Variants in KCNQ1 observed in about 807,000 individuals in gnomAD.
KCNQ1 encodes potassium voltage-gated channel subfamily Q member 1.
In KCNQ1, 49 loss-of-function variants were observed where a neutral mutation model predicts 72.4. The ratio of observed to expected loss-of-function variants is 0.68; its 90% confidence interval spans 0.54 to 0.86. The LOEUF is 0.86. Ranked by LOEUF, KCNQ1 falls within the 40% of genes least tolerant of loss-of-function variation. The pLI, the probability that KCNQ1 is intolerant of heterozygous loss-of-function variation, is 0.00. For synonymous variants in KCNQ1, 450 were observed against 412.6 expected (o/e 1.09, Z -1.10); for missense variants, 790 against 945.1 (o/e 0.84, Z 2.15).
At chr11:2,672,731 A>G (rs1850208738) in intron 11 of KCNQ1, 3 of 398,848 alleles carry the variant, frequency 7.5e-6, no homozygotes, top group Non-Finnish European at 1.3e-5. Flanking sequence ...CCAGACTCCA[A>G]GTTCTATGCT....
Position 2,796,329 on chromosome 11 carries a change from C to T in KCNQ1, c.1794+18292C>T, listed in dbSNP as rs192468180. ...GATCACCGCCTGGCTAAGGCCAAGG[C>T]GGCCACGTCAGTTCTCACGGCTCCT... On this transcript the variant is annotated intron_variant, in intron 15 of 15. Transcript: ENST00000155840. Among the ~76,000 whole-genome samples the T allele has an allele frequency of 1.9e-4, 29 of 152,326 alleles. 1 individual carries two copies. Among genetic ancestry groups the T allele is most frequent in the Admixed American group, 1.8e-3 (27 of 15,310 alleles).
intron 1 of KCNQ1, among the ~76,000 whole-genome samples, chr11:2,470,526 C>A (rs1190431334): frequency 6.6e-6 from 1 of 151,958 alleles, no homozygotes. Context: ...GAAGACAAGC[C>A]GGCGTCTTAT....
chr11:2,777,069 C>G, intron 14 of KCNQ1, 37 bp downstream of exon 14: 1 of 1,604,254 alleles, frequency 6.2e-7, no homozygotes, highest in African/African-American at 1.3e-5. Context: ...GCCCAGCAGC[C>G]TGCAATGGAC....
In KCNQ1 at chr11:2,724,831, G is replaced by A. The variant is rs574700349; in HGVS notation, c.1515-44013G>A. Among the ~76,000 whole-genome samples, 10 of 152,322 alleles carry A rather than the reference G, an allele frequency of 6.6e-5. No individual in the cohort carries two copies. Among genetic ancestry groups the A allele is most frequent in the African/African-American group, 1.9e-4 (8 of 41,576 alleles). On this transcript the variant is annotated intron_variant, in intron 11 of 15. Transcript: ENST00000155840. The surrounding 1 kb of genome is among the most constrained non-coding windows in gnomAD (Gnocchi z 6.8). ...AGCTTCTGGCCATCGTATGGAGCTG[G>A]AACAAGGCACTGGAAGGTACCAGGC...
rs543160201 is a variant in KCNQ1 at position 2,745,107 on chromosome 11, A to G, written c.1515-23737A>G. Among the ~76,000 whole-genome samples the G allele has an allele frequency of 6.6e-6, 1 of 152,230 alleles. No homozygotes were observed. Among genetic ancestry groups the G allele is most frequent in the African/African-American group, 2.4e-5 (1 of 41,544 alleles). ...CCCTATTTATAATAATCTCTTTTTA[A>G]GTTTGACTTATCTGTTTGGGACCTT... On this transcript the variant is annotated intron_variant, in intron 11 of 15. Transcript: ENST00000155840. The surrounding 1 kb of genome is among the most constrained non-coding windows in gnomAD (Gnocchi z 6.2).
intron 11 of KCNQ1, chr11:2,686,807 C>A (rs1031849733): frequency 2.5e-6 from 1 of 398,718 alleles, no homozygotes; most frequent in Non-Finnish European, 4.4e-6. Flanking sequence ...CCCCTGCTCA[C>A]CCCTAAAGAG....
chr11:2,796,713 C>G (rs751207114), intron 15 of KCNQ1, among the ~76,000 whole-genome samples: 1 of 152,202 alleles, frequency 6.6e-6, no homozygotes, highest in Non-Finnish European at 1.5e-5. Context: ...CCCAGGAAGA[C>G]CTCGTGGGTT....
intron 15 of KCNQ1, among the ~76,000 whole-genome samples, chr11:2,780,610 G>C (rs546760621): frequency 6.6e-6 from 1 of 152,326 alleles, no homozygotes; most frequent in South Asian, 2.1e-4. Flanking sequence ...GCTGTGCAGT[G>C]AGTCCCACCC....
intron 2 of KCNQ1, among the ~76,000 whole-genome samples, chr11:2,533,593 C>A (rs930518850): frequency 3.3e-5 from 5 of 152,228 alleles, no homozygotes; most frequent in Non-Finnish European, 7.3e-5. Context: ...TAGCTCCGTG[C>A]GCACATGCGT....
chr11:2,627,776 G>C lies in KCNQ1; in HGVS notation c.1394-34185G>C, dbSNP rs995301205. The stretch of plus-strand genomic sequence containing the variant: ...TTTTCTTCCTTTCTTTTTGAGACAG[G>C]GTCTCCATCTGTCATCCAGGCAGGA... On this transcript the variant is annotated intron_variant, in intron 10 of 15. Transcript: ENST00000155840. The surrounding 1 kb of genome is among the most constrained non-coding windows in gnomAD (Gnocchi z 4.9). The C allele has an allele frequency of 7.5e-6, 3 of 397,986 alleles. No homozygotes were observed. Among genetic ancestry groups the C allele is most frequent in the African/African-American group, 6.2e-5 (3 of 48,454 alleles). The allele number at this position is 397,986 out of a possible 1,614,324, so 24.7% of individuals were successfully genotyped here. A position where few individuals can be genotyped will look rare whatever the true frequency, so the allele number is the denominator to read the frequency against.
intron 1 of KCNQ1, among the ~76,000 whole-genome samples, chr11:2,506,482 T>C (rs1047716500): frequency 6.6e-6 from 1 of 152,250 alleles, no homozygotes; most frequent in African/African-American, 2.4e-5. Context: ...TGTTCTGATA[T>C]TGTGCAATGA....
chr11:2,463,212 T>C lies in KCNQ1; in HGVS notation c.386+17728T>C, dbSNP rs547179446. Among the ~76,000 whole-genome samples the C allele has an allele frequency of 6.6e-6, 1 of 152,274 alleles. No individual in the cohort carries two copies. Among genetic ancestry groups the C allele is most frequent in the African/African-American group, 2.4e-5 (1 of 41,544 alleles). Reference sequence around the variant, plus strand: ...TCCCGGCTGTGACCTTGGGGGACCATTGACTTTACTGTGTGCCTGGAGAGC... The same window carrying C: ...TCCCGGCTGTGACCTTGGGGGACCACTGACTTTACTGTGTGCCTGGAGAGC... On this transcript the variant is annotated intron_variant, in intron 1 of 15. Transcript: ENST00000155840. The surrounding 1 kb of genome is among the most constrained non-coding windows in gnomAD (Gnocchi z 7.0).
At chr11:2,521,709 C>T (rs965666713) in intron 1 of KCNQ1, 20 of 346,382 alleles carry the variant, frequency 5.8e-5, no homozygotes, top group African/African-American at 1.7e-4. Context: ...GGTTACAAAA[C>T]GCCCCCCATG....
intron 2 of KCNQ1, among the ~76,000 whole-genome samples, chr11:2,569,395 T>A (rs1388473072): frequency 6.6e-6 from 1 of 152,218 alleles, no homozygotes; most frequent in Non-Finnish European, 1.5e-5. Context: ...ATTAATAACA[T>A]TTGGGAGCCA....
In KCNQ1 at chr11:2,683,681, A is replaced by C. The variant is rs1261198234; in HGVS notation, c.1514+21600A>C. ...ACTTTCCCATCTCAATACAACTGTG[A>C]AAAGCCTAGCCTGGGACTCAGGCCT... On this transcript the variant is annotated intron_variant, in intron 11 of 15. Transcript: ENST00000155840. The surrounding 1 kb of genome is among the most constrained non-coding windows in gnomAD (Gnocchi z 4.7). 1 of 398,642 alleles carries C rather than the reference A, an allele frequency of 2.5e-6. No individual in the cohort carries two copies. Among genetic ancestry groups the C allele is most frequent in the East Asian group, 3.6e-5 (1 of 28,080 alleles). 24.7% of individuals were successfully genotyped at this position (398,642 alleles called of 1,614,324 possible).
chr11:2,839,536 AC>A lies in KCNQ1; in HGVS notation c.1795-8226del, dbSNP rs57823802. The stretch of plus-strand genomic sequence containing the variant: ...ATGTCAGCAGACACGGCACACATAG[AC>A]CCCCTGGGGGCTATGACGAGGTGAG... On this transcript the variant is annotated intron_variant, in intron 15 of 15. Transcript: ENST00000155840. Among the ~76,000 whole-genome samples, 12,011 of 151,758 alleles carry A rather than the reference AC, an allele frequency of 0.079. 1,619 individuals carry two copies. Among genetic ancestry groups the A allele is most frequent in the African/African-American group, 0.27 (11,298 of 41,298 alleles).
chr11:2,779,687 C>T (rs1846784456), intron 15 of KCNQ1, among the ~76,000 whole-genome samples: 1 of 152,206 alleles, frequency 6.6e-6, no homozygotes, highest in Non-Finnish European at 1.5e-5. Flanking sequence ...AGTCTGGCAT[C>T]CTGCGGGGGT....
chr11:2,455,050 A>G (rs943529000), intron 1 of KCNQ1, among the ~76,000 whole-genome samples: 28 of 152,318 alleles, frequency 1.8e-4, no homozygotes, highest in Non-Finnish European at 3.5e-4. Flanking sequence ...AGCCTTCTGG[A>G]ACTGTAAGTG....
chr11:2,633,247 C>G lies in KCNQ1; in HGVS notation c.1394-28714C>G. Reference sequence around the variant, plus strand: ...AAATCAGATAATCTGGTGTTTTTTGCTGTTGAATTGTTTGAATTCCTTGTA... The same window carrying G: ...AAATCAGATAATCTGGTGTTTTTTGGTGTTGAATTGTTTGAATTCCTTGTA... On this transcript the variant is annotated intron_variant, in intron 10 of 15. Coordinates refer to ENST00000155840, the MANE Select transcript of KCNQ1 (RefSeq NM_000218.3). 7.5e-6 allele frequency: 3 copies of G among 398,420 alleles called. No homozygotes were observed. The East Asian group carries it at 1.1e-4, about 14-fold the overall frequency. The allele number at this position is 398,420 out of a possible 1,614,324, so 24.7% of individuals were successfully genotyped here. A position where few individuals can be genotyped will look rare whatever the true frequency, so the allele number is the denominator to read the frequency against.
Sources: allele counts gnomAD v4.1 joint callset (sites outside exome capture counted in the v4.1 genomes callset), GRCh38; gene constraint gnomAD v4.1.1; non-coding constraint Gnocchi (gnomAD v3.1); transcripts MANE v1.5; gene names NCBI Gene and HGNC (gene_info 2026-07-23, HGNC 2026-07-21).